ZNF385D: variants seen among roughly 807,000 people sequenced by gnomAD.
ZNF385D encodes the protein zinc finger protein 385D, also known as zinc finger protein 659.
Under a neutral mutation model 35.8 loss-of-function variants are expected in ZNF385D, and 15 were observed. The ratio of observed to expected loss-of-function variants is 0.42; its 90% CI spans 0.28 to 0.64. ZNF385D has a LOEUF of 0.64. Ranked by LOEUF, ZNF385D falls within the 30% of genes least tolerant of loss-of-function variation. The pLI, the probability that ZNF385D is intolerant of heterozygous loss-of-function variation, is 0.23. For synonymous variants in ZNF385D, 212 were observed against 186.8 expected (o/e 1.13, Z -1.10); for missense variants, 474 against 494.6 (o/e 0.96, Z 0.39).
At chr3:21,710,558 G>A (rs957589) in intron 1 of ZNF385D, among the ~76,000 whole-genome samples, 70,961 of 151,916 alleles carry the variant, frequency 0.47, 17,409 homozygotes, top group African/African-American at 0.62. Context: ...AATCTGTACT[G>A]CATTTTAAAT....
At chr3:22,148,023 C>G (rs6550665) in intron 3 of ZNF385D, among the ~76,000 whole-genome samples, 104,426 of 151,996 alleles carry the variant, frequency 0.69, 36,742 homozygotes, top group African/African-American at 0.83. Flanking sequence ...CTTTATAACT[C>G]CTTATTATAA....
At chr3:22,332,600 G>T (rs1260988553) in intron 2 of ZNF385D, among the ~76,000 whole-genome samples, 3 of 151,964 alleles carry the variant, frequency 2.0e-5, no homozygotes, top group Non-Finnish European at 2.9e-5. Flanking sequence ...AAAAAATTCA[G>T]TAAGATAATT....
intron 3 of ZNF385D, among the ~76,000 whole-genome samples, chr3:21,798,031 T>C (rs1342657860): frequency 6.6e-6 from 1 of 152,204 alleles, no homozygotes; most frequent in Non-Finnish European, 1.5e-5. Context: ...CTATGGACAC[T>C]GGCAACAATG....
At chr3:21,922,623 A>C (rs1173916961) in intron 3 of ZNF385D, among the ~76,000 whole-genome samples, 1 of 152,188 alleles carries the variant, frequency 6.6e-6, no homozygotes, top group Admixed American at 6.5e-5. Context: ...CTTTTACCAC[A>C]CATGAAAGTT....
intron 1 of ZNF385D, among the ~76,000 whole-genome samples, chr3:21,704,534 C>T (rs184667852): frequency 2.6e-5 from 4 of 151,982 alleles, no homozygotes; most frequent in South Asian, 2.1e-4. Context: ...ATTGAGACAA[C>T]GTCTCGCTCT....
In ZNF385D at chr3:22,101,987, T is replaced by C. The variant is rs758818851; in HGVS notation, c.325+66830A>G. ...TCATAGGATCTAGTATCCTACTCCC[T>C]TTCCATTGCGCCACATCAGGTTTTT... On this transcript the variant is annotated intron_variant, in intron 3 of 5. Transcript: ENST00000494108. 9.8e-4 allele frequency among the ~76,000 whole-genome samples: 149 copies of C among 151,314 alleles called. 4 individuals are homozygous for C. The highest frequency in any genetic ancestry group is 7.4e-4 in the Non-Finnish European group (50 of 67,862).
intron 2 of ZNF385D, among the ~76,000 whole-genome samples, chr3:22,317,894 C>G (rs559655823): frequency 2.0e-5 from 3 of 152,022 alleles, no homozygotes; most frequent in Non-Finnish European, 4.4e-5. Context: ...AACCCCATCT[C>G]TAATGAAAAT....
intron 3 of ZNF385D, among the ~76,000 whole-genome samples, chr3:21,776,662 T>C (rs964653751): frequency 5.3e-5 from 8 of 151,988 alleles, no homozygotes; most frequent in African/African-American, 1.9e-4. Flanking sequence ...AAACTTTATA[T>C]GAGATTCTGG....
At chr3:21,591,242 T>C (rs2063968099) in intron 2 of ZNF385D, among the ~76,000 whole-genome samples, 1 of 152,102 alleles carries the variant, frequency 6.6e-6, no homozygotes, top group Non-Finnish European at 1.5e-5. Flanking sequence ...AATTAAATTA[T>C]AATCAACAAA....
chr3:21,858,535 T>C (rs1282370573), intron 3 of ZNF385D, among the ~76,000 whole-genome samples: 1 of 150,506 alleles, frequency 6.6e-6, no homozygotes, highest in Non-Finnish European at 1.5e-5. Context: ...ACCCAAAGAA[T>C]TTGTTTGCCC....
At chr3:21,968,879 C>G (rs920233585) in intron 3 of ZNF385D, among the ~76,000 whole-genome samples, 6 of 152,144 alleles carry the variant, frequency 3.9e-5, no homozygotes, top group African/African-American at 1.4e-4. Flanking sequence ...AGCTTGGATA[C>G]CAGCTGGGCC....
At chr3:21,854,748 G>A (rs1226330699) in intron 3 of ZNF385D, among the ~76,000 whole-genome samples, 1 of 151,736 alleles carries the variant, frequency 6.6e-6, no homozygotes, top group African/African-American at 2.4e-5. Context: ...ATAACTTTTG[G>A]CATTTAATAG....
chr3:22,223,791 T>G (rs1698398545), intron 2 of ZNF385D, among the ~76,000 whole-genome samples: 1 of 152,168 alleles, frequency 6.6e-6, no homozygotes, highest in African/African-American at 2.4e-5. Flanking sequence ...CATAATGATT[T>G]CCGACATTAT....
chr3:21,740,749 T>C (rs901872902), intron 1 of ZNF385D, among the ~76,000 whole-genome samples: 3 of 152,156 alleles, frequency 2.0e-5, no homozygotes, highest in African/African-American at 7.2e-5. Context: ...CTAGGTGACC[T>C]GGGGCAATGT....
At chr3:22,165,019 T>C (rs1337310262) in intron 3 of ZNF385D, among the ~76,000 whole-genome samples, 4 of 151,692 alleles carry the variant, frequency 2.6e-5, no homozygotes, top group African/African-American at 7.3e-5. Context: ...GAAAGATGAA[T>C]AGGCAGAGCA....
intron 3 of ZNF385D, among the ~76,000 whole-genome samples, chr3:21,895,416 C>T (rs115882713): frequency 2.7e-5 from 4 of 146,688 alleles, no homozygotes; most frequent in Non-Finnish European, 5.9e-5. Context: ...CAACGTCTGC[C>T]TCTGGGTTCA....
In ZNF385D at chr3:21,659,939, A is replaced by G. The variant is rs563137343; in HGVS notation, c.165+4947T>C. On this transcript the variant is annotated intron_variant, in intron 2 of 7. Transcript: ENST00000281523. The stretch of plus-strand genomic sequence containing the variant: ...TTTTAACATGATTACCTGTGATTTC[A>G]TAGGAGAAGCACTGCTATAAATCAC... Among the ~76,000 whole-genome samples the G allele has an allele frequency of 2.0e-5, 3 of 152,216 alleles. No individual in the cohort carries two copies. The South Asian group carries it at 6.2e-4, about 32-fold the overall frequency.
At chr3:21,981,743 G>C (rs1450493964) in intron 3 of ZNF385D, among the ~76,000 whole-genome samples, 3 of 152,052 alleles carry the variant, frequency 2.0e-5, no homozygotes, top group Non-Finnish European at 4.4e-5. Context: ...TTTTGTGTAT[G>C]GTGTATGGAA....
intron 2 of ZNF385D, among the ~76,000 whole-genome samples, chr3:22,345,465 T>A (rs1232116021): frequency 2.0e-5 from 3 of 152,240 alleles, no homozygotes; most frequent in Non-Finnish European, 4.4e-5. Flanking sequence ...TACCTTAGAT[T>A]ATTTCTTTTG....
Sources: gnomAD v4.1 joint callset for allele counts (sites outside exome capture counted in the v4.1 genomes callset) on GRCh38, gnomAD v4.1.1 for gene constraint, MANE v1.5 for transcripts, NCBI Gene and HGNC (gene_info 2026-07-23, HGNC 2026-07-21) for gene names.